Variants in AP2B1 observed in about 807,000 individuals in gnomAD.
AP2B1 encodes the protein AP-2 complex subunit beta.
A neutral mutation model predicts 102.0 loss-of-function variants in AP2B1; 23 were observed. The observed-to-expected ratio is 0.23, with a 90% confidence interval of 0.16 to 0.32. The LOEUF (loss-of-function observed/expected upper bound fraction) is 0.32. Ranked by LOEUF, AP2B1 falls within the 10% of genes least tolerant of loss-of-function variation. The pLI, the probability that AP2B1 is intolerant of heterozygous loss-of-function variation, is 1.00. For missense variants in AP2B1, 541 were observed against 1,157.4 expected, an observed-to-expected ratio of 0.47 and a Z score of 7.73; for synonymous variants, 381 against 421.2, an observed-to-expected ratio of 0.90 and a Z score of 1.17.
chr17:35,608,242 G>A lies in AP2B1; in HGVS notation c.380G>A (p.Arg127His), dbSNP rs1249030356. Reference protein sequence around the residue: ...KITEYLCEPLRKCLKDEDPYV... With the variant: ...KITEYLCEPLHKCLKDEDPYV... The stretch of plus-strand genomic sequence containing the variant: ...ACAGAATATCTCTGTGAGCCGCTCC[G>A]CAAGTGCTTGAAGGATGAGGATCCC... Residue 127 changes from arginine to histidine, a missense_variant, in exon 5 of 22, where the codon CGC (arginine) becomes CAC (histidine). Arg to His is a conservative substitution (Grantham distance 29). Coordinates refer to ENST00000610402, the MANE Select transcript of AP2B1 (RefSeq NM_001030006.2). The A allele has an allele frequency of 1.9e-6, 3 of 1,614,168 alleles. No individual in the cohort carries two copies. The highest frequency in any genetic ancestry group is 2.5e-6 in the Non-Finnish European group (3 of 1,180,028).
At chr17:35,606,536 G>A (rs905905071) in intron 4 of AP2B1, among the ~76,000 whole-genome samples, 2 of 151,866 alleles carry the variant, frequency 1.3e-5, no homozygotes, top group Non-Finnish European at 2.9e-5. Flanking sequence ...CACCACTCCC[G>A]GCGTGATTAA....
In AP2B1 at chr17:35,716,931, A is replaced by G. The variant is rs367592884; in HGVS notation, c.2627-264A>G. Among the ~76,000 whole-genome samples the G allele has an allele frequency of 3.9e-5, 6 of 152,360 alleles. No homozygotes were observed. In the East Asian group the frequency reaches 7.7e-4, roughly 20 times the overall value. On this transcript the variant is annotated intron_variant, in intron 20 of 21. Transcript: ENST00000610402. ...CCAGCTCCTTAGGCCCACCAATATCATAATCTCCAAAGGTAACTCGCACTA... is the reference window on the plus strand; with the variant it reads ...CCAGCTCCTTAGGCCCACCAATATCGTAATCTCCAAAGGTAACTCGCACTA...
chr17:35,671,734 CTT>C lies in AP2B1; in HGVS notation c.2032-11_2032-10del, dbSNP rs367881522. On this transcript the variant is annotated intron_variant, in intron 15 of 21. Transcript: ENST00000610402. ...CTGTTCTTCCCAATCTCCCCTCTCC[CTT>C]TTTTTTTTCTCCTGCAGGTGGGACA... The C allele has an allele frequency of 4.1e-5, 57 of 1,392,092 alleles. No individual in the cohort carries two copies. The highest frequency in any genetic ancestry group is 5.1e-5 in the Non-Finnish European group (52 of 1,017,090). The allele number at this position is 1,392,092 out of a possible 1,614,324, so 86.2% of individuals were successfully genotyped here.
intron 18 of AP2B1, among the ~76,000 whole-genome samples, chr17:35,695,691 A>G (rs1454252248): frequency 1.3e-5 from 2 of 152,096 alleles, no homozygotes; most frequent in Non-Finnish European, 2.9e-5. Context: ...CCTACAACAG[A>G]ATTACTCTAT....
chr17:35,637,034 C>A (rs899307264), intron 10 of AP2B1, among the ~76,000 whole-genome samples: 1 of 152,160 alleles, frequency 6.6e-6, no homozygotes, highest in Non-Finnish European at 1.5e-5. Flanking sequence ...ATTTTTACTT[C>A]ACAAGTTTTT....
At chr17:35,616,766 G>A (rs112695618) in intron 5 of AP2B1, among the ~76,000 whole-genome samples, 5 of 152,106 alleles carry the variant, frequency 3.3e-5, no homozygotes, top group African/African-American at 1.2e-4. Flanking sequence ...AAGGTAGCTC[G>A]AAAACAGAAA....
At chr17:35,624,362 T>C (rs750391593) in intron 5 of AP2B1, 35 bp from the exon 6 acceptor site, 2 of 1,602,802 alleles carry the variant, frequency 1.2e-6, no homozygotes, top group African/African-American at 1.3e-5. Flanking sequence ...TGTGCTGTTC[T>C]TGGTGAATCA....
intron 21 of AP2B1, 90 bp downstream of exon 21, chr17:35,717,439 G>A (rs1277670732): frequency 2.8e-6 from 4 of 1,452,782 alleles, no homozygotes; most frequent in Non-Finnish European, 3.8e-6. Flanking sequence ...AAGACCTGGA[G>A]GAGGTGCTTT....
intron 4 of AP2B1, 149 bp downstream of exon 4, chr17:35,605,989 A>G: frequency 3.8e-6 from 5 of 1,311,130 alleles, no homozygotes; most frequent in Non-Finnish European, 5.0e-6. Context: ...ATCCAGGGAA[A>G]TTCAAACCAT....
chr17:35,714,988 A>G (rs183638360), intron 20 of AP2B1, among the ~76,000 whole-genome samples: 5 of 152,362 alleles, frequency 3.3e-5, no homozygotes, highest in East Asian at 1.9e-4. Flanking sequence ...TCCCAGTCAG[A>G]CCAGGAAGCC....
chr17:35,644,947 G>A (rs145113360), intron 12 of AP2B1, among the ~76,000 whole-genome samples: 1,525 of 151,956 alleles, frequency 0.01, 20 homozygotes, highest in African/African-American at 0.035. Context: ...TGGGAGGATC[G>A]CTTGAGCCCA....
At chr17:35,718,226 A>G (rs1555591063) in intron 21 of AP2B1, among the ~76,000 whole-genome samples, 1 of 152,092 alleles carries the variant, frequency 6.6e-6, no homozygotes, top group Non-Finnish European at 1.5e-5. Context: ...TTTCACTAGC[A>G]TATATCAAGG....
At chr17:35,655,463 C>G (rs2075196065) in intron 13 of AP2B1, among the ~76,000 whole-genome samples, 1 of 152,192 alleles carries the variant, frequency 6.6e-6, no homozygotes, top group Admixed American at 6.5e-5. Flanking sequence ...GTGTCTTTTG[C>G]TCAACATAAT....
intron 17 of AP2B1, among the ~76,000 whole-genome samples, chr17:35,681,825 A>T (rs1158084213): frequency 6.6e-6 from 1 of 152,230 alleles, no homozygotes; most frequent in Non-Finnish European, 1.5e-5. Flanking sequence ...TTTCAGAGTT[A>T]TAGCACTAGC....
At chr17:35,596,048 T>A (rs1407044582) in intron 2 of AP2B1, among the ~76,000 whole-genome samples, 2 of 152,162 alleles carry the variant, frequency 1.3e-5, no homozygotes, top group Non-Finnish European at 2.9e-5. Flanking sequence ...ATAAACATCA[T>A]ACTTAAAAAA....
intron 18 of AP2B1, among the ~76,000 whole-genome samples, chr17:35,695,927 A>G (rs1414542651): frequency 5.9e-5 from 9 of 152,048 alleles, no homozygotes; most frequent in Admixed American, 5.9e-4. Context: ...CTATTTGCCA[A>G]GTAGGGTTTA....
Position 35,656,182 on chromosome 17 carries a change from A to G in AP2B1, c.1797-1417A>G, listed in dbSNP as rs534808383. Among the ~76,000 whole-genome samples, 21 of 152,288 alleles carry G rather than the reference A, an allele frequency of 1.4e-4. 1 individual carries two copies. Among genetic ancestry groups the G allele is most frequent in the African/African-American group, 4.8e-4 (20 of 41,564 alleles). ...AAACCATTATCTTCTCCAAGCTTAT[A>G]AAGATGCTACTCTAGGTTTTCAACT... On this transcript the variant is annotated intron_variant, in intron 13 of 21. Coordinates refer to ENST00000610402, the MANE Select transcript of AP2B1 (RefSeq NM_001030006.2).
At chr17:35,656,624 G>A (rs947425310) in intron 13 of AP2B1, among the ~76,000 whole-genome samples, 3 of 152,218 alleles carry the variant, frequency 2.0e-5, no homozygotes, top group Non-Finnish European at 2.9e-5. Flanking sequence ...GGCCGGGTGC[G>A]GTGGCTCACG....
chr17:35,692,422 T>TA (rs1450738405), intron 18 of AP2B1, among the ~76,000 whole-genome samples: 1 of 152,182 alleles, frequency 6.6e-6, no homozygotes, highest in Non-Finnish European at 1.5e-5. Flanking sequence ...TGATTAGAAA[T>TA]AGATTTAACC....
Sources: gnomAD v4.1 joint callset for allele counts (sites outside exome capture counted in the v4.1 genomes callset) on GRCh38, gnomAD v4.1.1 for gene constraint, MANE v1.5 for transcripts, NCBI Gene and HGNC (gene_info 2026-07-23, HGNC 2026-07-21) for gene names.